The following PTPRD variants were observed in gnomAD, a reference collection of about 807,000 sequenced individuals.
The protein encoded by PTPRD is receptor-type tyrosine-protein phosphatase delta.
Under a neutral mutation model 214.5 loss-of-function variants are expected in PTPRD, and 34 were observed. The observed-to-expected ratio is 0.16, with a 90% CI of 0.12 to 0.21. The LOEUF is 0.21. PTPRD is among the 10% of genes least tolerant of loss of function. PTPRD has a pLI of 1.00. For synonymous variants in PTPRD, 1,128 were observed against 845.7 expected, an observed-to-expected ratio of 1.33 and a Z score of -5.79; for missense variants, 2,545 against 2,398.7, an observed-to-expected ratio of 1.06 and a Z score of -1.27.
At chr9:8,865,957 T>A (rs1460069750) in intron 11 of PTPRD, among the ~76,000 whole-genome samples, 2 of 152,158 alleles carry the variant, frequency 1.3e-5, no homozygotes, top group African/African-American at 4.8e-5. Flanking sequence ...CTACAAGAAG[T>A]CAAAAGAATT....
chr9:8,453,424 A>C lies in PTPRD; in HGVS notation c.3876-3587T>G, dbSNP rs2096048626. On this transcript the variant is annotated intron_variant, in intron 33 of 45. Transcript: ENST00000381196. ...TGTGATCCACCCGCCTCAGCCTCCC[A>C]GAGTGCTGGGATTACAGGCGTGAGC... Among the ~76,000 whole-genome samples, 6 of 152,170 alleles carry C rather than the reference A, an allele frequency of 3.9e-5. No homozygotes were observed. In the South Asian group the frequency reaches 1.2e-3, roughly 32 times the overall value.
chr9:10,054,760 T>C (rs1484261965), intron 3 of PTPRD, among the ~76,000 whole-genome samples: 1 of 152,074 alleles, frequency 6.6e-6, no homozygotes. Flanking sequence ...CCTCCTACCT[T>C]TTGTTTTAGT....
At chr9:9,450,025 C>T (rs1201689352) in intron 8 of PTPRD, among the ~76,000 whole-genome samples, 1 of 151,888 alleles carries the variant, frequency 6.6e-6, no homozygotes, top group African/African-American at 2.4e-5. Flanking sequence ...AGAACAATGG[C>T]TTCCAGCTCC....
At chr9:8,657,639 T>G (rs891621275) in intron 12 of PTPRD, among the ~76,000 whole-genome samples, 3 of 152,260 alleles carry the variant, frequency 2.0e-5, no homozygotes, top group African/African-American at 7.2e-5. Flanking sequence ...TTTAGTTTAA[T>G]TAGATCCCAT....
intron 10 of PTPRD, among the ~76,000 whole-genome samples, chr9:9,179,926 A>G (rs1018559049): frequency 6.6e-6 from 1 of 152,130 alleles, no homozygotes; most frequent in Non-Finnish European, 1.5e-5. Flanking sequence ...TATATGTACA[A>G]TATGTTTTGC....
chr9:8,551,562 A>G (rs1173004160), intron 14 of PTPRD, among the ~76,000 whole-genome samples: 2 of 152,074 alleles, frequency 1.3e-5, no homozygotes, highest in Non-Finnish European at 2.9e-5. Flanking sequence ...GAGTGATACA[A>G]TTTTTCAGGA....
chr9:9,303,366 AC>A (rs1956121686), intron 9 of PTPRD, among the ~76,000 whole-genome samples: 2 of 152,172 alleles, frequency 1.3e-5, no homozygotes, highest in South Asian at 4.1e-4. Context: ...AAATTTGACT[AC>A]AGTTGACAGT....
intron 9 of PTPRD, among the ~76,000 whole-genome samples, chr9:9,226,041 A>C (rs1435282218): frequency 6.6e-6 from 1 of 152,020 alleles, no homozygotes; most frequent in Non-Finnish European, 1.5e-5. Context: ...GCACATAAGA[A>C]AATAATAAAT....
At chr9:9,423,457 C>A (rs1379356885) in intron 8 of PTPRD, among the ~76,000 whole-genome samples, 1 of 152,094 alleles carries the variant, frequency 6.6e-6, no homozygotes, top group Non-Finnish European at 1.5e-5. Context: ...GGAATAAATT[C>A]CTGTTGTTAA....
intron 8 of PTPRD, among the ~76,000 whole-genome samples, chr9:9,449,371 C>G (rs573936320): frequency 6.6e-6 from 1 of 151,640 alleles, no homozygotes; most frequent in East Asian, 2.0e-4. Flanking sequence ...CTTGTACATT[C>G]CTCCAAACCC....
chr9:9,425,476 T>C (rs2080495989), intron 8 of PTPRD, among the ~76,000 whole-genome samples: 1 of 147,938 alleles, frequency 6.8e-6, no homozygotes, highest in Non-Finnish European at 1.5e-5. Flanking sequence ...ATTATATATA[T>C]ATGTTTGGTG....
chr9:8,713,547 G>C (rs899478600), intron 12 of PTPRD: 11 of 1,336,692 alleles, frequency 8.2e-6, no homozygotes, highest in Admixed American at 1.7e-5. Flanking sequence ...AGAACTTCGG[G>C]ATCTGGCTGC....
intron 8 of PTPRD, among the ~76,000 whole-genome samples, chr9:9,420,715 C>A (rs922684508): frequency 8.6e-5 from 13 of 151,752 alleles, no homozygotes; most frequent in Non-Finnish European, 1.5e-4. Flanking sequence ...TGACGACGTA[C>A]AACATAACCA....
intron 6 of PTPRD, among the ~76,000 whole-genome samples, chr9:9,764,797 A>T (rs1405247520): frequency 6.6e-6 from 1 of 152,132 alleles, no homozygotes; most frequent in Non-Finnish European, 1.5e-5. Flanking sequence ...GGAAGGTCCA[A>T]TTTCAAAGTC....
chr9:8,953,800 G>T (rs201190638), intron 11 of PTPRD, among the ~76,000 whole-genome samples: 1 of 151,756 alleles, frequency 6.6e-6, no homozygotes, highest in Non-Finnish European at 1.5e-5. Flanking sequence ...ACAATGATAT[G>T]CCATCTCACA....
At chr9:8,589,100 A>G (rs2093901966) in intron 14 of PTPRD, among the ~76,000 whole-genome samples, 1 of 152,242 alleles carries the variant, frequency 6.6e-6, no homozygotes, top group Admixed American at 6.5e-5. Flanking sequence ...ATATACCATC[A>G]ACATTATTCA....
intron 12 of PTPRD, among the ~76,000 whole-genome samples, chr9:8,703,403 C>T (rs1024121560): frequency 6.6e-6 from 1 of 152,124 alleles, no homozygotes; most frequent in Admixed American, 6.5e-5. Context: ...TCCTCTTTAC[C>T]CTTTCAGTTC....
intron 2 of PTPRD, among the ~76,000 whole-genome samples, chr9:10,510,622 T>C (rs138216468): frequency 6.6e-6 from 1 of 152,174 alleles, no homozygotes; most frequent in Non-Finnish European, 1.5e-5. Flanking sequence ...ACACATTATA[T>C]TTTAACATGA....
rs191812265 is a variant in PTPRD at position 10,497,907 on chromosome 9, C to T, written c.-600+114491G>A. ...AATATTTAAAAATGTGATAGGAGAA[C>T]TTTTATGTACCATACACTGGATTGC... On this transcript the variant is annotated intron_variant, in intron 2 of 45. Transcript: ENST00000381196. Among the ~76,000 whole-genome samples, 4 of 151,966 alleles carry T rather than the reference C, an allele frequency of 2.6e-5. No individual in the cohort carries two copies. In the East Asian group the frequency reaches 7.7e-4, roughly 29 times the overall value.
Sources: gnomAD v4.1 joint callset for allele counts (sites outside exome capture counted in the v4.1 genomes callset) on GRCh38, gnomAD v4.1.1 for gene constraint, MANE v1.5 for transcripts, NCBI Gene and HGNC (gene_info 2026-07-23, HGNC 2026-07-21) for gene names.